The following PDLIM5 variants were observed in gnomAD, a reference collection of about 807,000 sequenced individuals.
The protein encoded by PDLIM5 is PDZ and LIM domain protein 5.
In PDLIM5, 34 loss-of-function variants were observed where a neutral mutation model predicts 64.2. The ratio of observed to expected loss-of-function variants is 0.53; its 90% CI spans 0.40 to 0.71. PDLIM5 has a LOEUF of 0.71. Among genes scored for constraint, PDLIM5 ranks in the 30% least tolerant of loss-of-function variants. The probability of loss-of-function intolerance (pLI) is 0.00; values close to 1 mark genes in which losing one functional copy is unlikely to be tolerated. For missense variants in PDLIM5, 683 were observed against 733.6 expected (o/e 0.93, Z 0.80); for synonymous variants, 253 against 269.1 (o/e 0.94, Z 0.59).
chr4:94,555,092 G>A (rs894335552), intron 3 of PDLIM5, among the ~76,000 whole-genome samples: 2 of 152,060 alleles, frequency 1.3e-5, no homozygotes, highest in African/African-American at 4.8e-5. Flanking sequence ...TCACTCTGTT[G>A]CCCCAGCTGG....
intron 2 of PDLIM5, among the ~76,000 whole-genome samples, chr4:94,479,222 A>T (rs1489740944): frequency 6.7e-6 from 1 of 149,992 alleles, no homozygotes; most frequent in Admixed American, 6.7e-5. Flanking sequence ...TGTAAAACAC[A>T]CCAAAACCAC....
At chr4:94,477,279 C>T (rs910153772) in intron 2 of PDLIM5, among the ~76,000 whole-genome samples, 1 of 152,128 alleles carries the variant, frequency 6.6e-6, no homozygotes, top group Non-Finnish European at 1.5e-5. Flanking sequence ...GCCAGCCCTG[C>T]TATATCCTGG....
rs1735818131 is a variant in PDLIM5, at chr4:94,582,557, G to A, written c.711-3008G>A. 1.3e-5 allele frequency: 7 copies of A among 551,786 alleles called. No homozygotes were observed. In the East Asian group the frequency reaches 1.8e-4, roughly 14 times the overall value. 34.2% of individuals were successfully genotyped at this position (551,786 alleles called of 1,614,324 possible). A position where few individuals can be genotyped will look rare whatever the true frequency, so the allele number is the denominator to read the frequency against. On this transcript the variant is annotated intron_variant, in intron 5 of 12. Coordinates refer to ENST00000317968, the MANE Select transcript of PDLIM5 (RefSeq NM_006457.5). ...ATAATTATTTTGAAGCATGATGTTT[G>A]TGTAACATCTTCACTGAAAATCATT...
intron 7 of PDLIM5, among the ~76,000 whole-genome samples, chr4:94,613,041 T>C (rs1738502768): frequency 6.6e-6 from 1 of 151,856 alleles, no homozygotes; most frequent in Non-Finnish European, 1.5e-5. Flanking sequence ...CTTCTAAATA[T>C]AGAATTCTGG....
chr4:94,579,421 C>A, intron 5 of PDLIM5: 1 of 494,736 alleles, frequency 2.0e-6, no homozygotes, highest in Non-Finnish European at 3.6e-6. Context: ...ACTGAAATTT[C>A]TTCTAACAGC....
chr4:94,616,163 G>A (rs192963585), intron 7 of PDLIM5, among the ~76,000 whole-genome samples: 3 of 151,830 alleles, frequency 2.0e-5, no homozygotes, highest in African/African-American at 4.8e-5. Context: ...TCTTAGAACC[G>A]TGATTATATA....
chr4:94,590,529 G>A (rs1337738337), intron 7 of PDLIM5, among the ~76,000 whole-genome samples: 1 of 152,182 alleles, frequency 6.6e-6, no homozygotes, highest in Non-Finnish European at 1.5e-5. Context: ...ATGATCTGAG[G>A]TAATTGTGTT....
Position 94,664,338 on chromosome 4 carries a change from C to A in PDLIM5, c.*271C>A. ...CAATTTCCTGATGGACTATTAAATT[C>A]ATCTTAGAATAAATTAGTGAAGAAT... On this transcript the variant is annotated 3_prime_UTR_variant, in exon 13 of 13. Transcript: ENST00000317968. 1 of 716,150 alleles carries A rather than the reference C, an allele frequency of 1.4e-6. No individual in the cohort carries two copies. The highest frequency in any genetic ancestry group is 1.7e-6 in the Non-Finnish European group (1 of 573,666). The allele number at this position is 716,150 out of a possible 1,614,324, so 44.4% of individuals were successfully genotyped here. A position where few individuals can be genotyped will look rare whatever the true frequency, so the allele number is the denominator to read the frequency against.
chr4:94,531,229 CAGA>C (rs1730842092), intron 3 of PDLIM5, among the ~76,000 whole-genome samples: 1 of 151,994 alleles, frequency 6.6e-6, no homozygotes, highest in Non-Finnish European at 1.5e-5. Context: ...GACAGTTTTT[CAGA>C]AGGACTAAGT....
At chr4:94,548,682 A>C (rs1732531463) in intron 3 of PDLIM5, among the ~76,000 whole-genome samples, 1 of 152,196 alleles carries the variant, frequency 6.6e-6, no homozygotes, top group Non-Finnish European at 1.5e-5. Flanking sequence ...ACATTATTCT[A>C]CTTTAAAAAC....
chr4:94,633,725 G>T lies in PDLIM5; in HGVS notation c.1109-6551G>T, dbSNP rs561059766. ...AGATGGTGACCCTGACCTCAAGGTA[G>T]GAGAAGACAGATAATAAACAATAAA... On this transcript the variant is annotated intron_variant, in intron 8 of 12. Coordinates refer to ENST00000317968, the MANE Select transcript of PDLIM5 (RefSeq NM_006457.5). Among the ~76,000 whole-genome samples, 19 of 152,256 alleles carry T rather than the reference G, an allele frequency of 1.2e-4. No individual in the cohort carries two copies. In the East Asian group the frequency reaches 3.5e-3, roughly 28 times the overall value.
At chr4:94,493,409 T>TA (rs1396119550) in intron 2 of PDLIM5, among the ~76,000 whole-genome samples, 2 of 152,000 alleles carry the variant, frequency 1.3e-5, no homozygotes, top group Non-Finnish European at 2.9e-5. Flanking sequence ...TCTCTGGGCT[T>TA]ACATGATCCT....
chr4:94,657,856 G>A (rs1415196986), intron 11 of PDLIM5, among the ~76,000 whole-genome samples: 1 of 152,034 alleles, frequency 6.6e-6, no homozygotes, highest in Non-Finnish European at 1.5e-5. Flanking sequence ...ACAGGCATGT[G>A]CCACCATGCT....
chr4:94,570,282 C>T (rs1320211210), intron 3 of PDLIM5, among the ~76,000 whole-genome samples: 1 of 152,084 alleles, frequency 6.6e-6, no homozygotes, highest in Non-Finnish European at 1.5e-5. Context: ...TGTCTTTTTT[C>T]CTTCTTTCTT....
intron 7 of PDLIM5, chr4:94,610,337 G>A (rs1041818156): frequency 1.8e-5 from 26 of 1,411,072 alleles, no homozygotes; most frequent in Non-Finnish European, 2.3e-5. Flanking sequence ...TGTCTGATGT[G>A]ATCTCAGCGC....
At chr4:94,598,619 G>T (rs1737248336) in intron 7 of PDLIM5, among the ~76,000 whole-genome samples, 1 of 151,930 alleles carries the variant, frequency 6.6e-6, no homozygotes, top group African/African-American at 2.4e-5. Flanking sequence ...TCCAACAAAT[G>T]TTTATGAGGC....
intron 8 of PDLIM5, among the ~76,000 whole-genome samples, chr4:94,635,222 A>T (rs1240977852): frequency 6.6e-6 from 1 of 152,212 alleles, no homozygotes; most frequent in Admixed American, 6.5e-5. Context: ...AGAAAAAAAA[A>T]GTAATTTTCA....
At chr4:94,578,763 A>C (rs1578411150) in intron 5 of PDLIM5, among the ~76,000 whole-genome samples, 1 of 152,192 alleles carries the variant, frequency 6.6e-6, no homozygotes, top group East Asian at 1.9e-4. Flanking sequence ...ATGTTGCAAA[A>C]TACCTACAAC....
intron 2 of PDLIM5, among the ~76,000 whole-genome samples, chr4:94,500,012 A>C (rs970036358): frequency 3.3e-5 from 5 of 152,206 alleles, no homozygotes; most frequent in Non-Finnish European, 7.3e-5. Flanking sequence ...AAAGGTTCGG[A>C]CTGCTGATTA....
Sources: allele counts gnomAD v4.1 joint callset (sites outside exome capture counted in the v4.1 genomes callset), GRCh38; gene constraint gnomAD v4.1.1; transcripts MANE v1.5; gene names NCBI Gene and HGNC (gene_info 2026-07-23, HGNC 2026-07-21).